The following RBFOX3 variants were observed in gnomAD, a reference collection of about 807,000 sequenced individuals.
The protein encoded by RBFOX3 is RNA binding protein fox-1 homolog 3.
Under a neutral mutation model 48.7 loss-of-function variants are expected in RBFOX3, and 17 were observed. The ratio of observed to expected loss-of-function variants is 0.35; its 90% CI spans 0.24 to 0.52. The LOEUF (loss-of-function observed/expected upper bound fraction) is 0.52, where lower values mean the gene tolerates loss of function less well. RBFOX3 is among the 20% of genes least tolerant of loss of function. RBFOX3 has a pLI of 0.94. For synonymous variants in RBFOX3, 212 were observed against 209.5 expected (o/e 1.01, Z -0.10); for missense variants, 382 against 497.5 (o/e 0.77, Z 2.21).
At chr17:79,344,522 A>G (rs558933604) in intron 2 of RBFOX3, among the ~76,000 whole-genome samples, 1 of 147,418 alleles carries the variant, frequency 6.8e-6, no homozygotes, top group South Asian at 2.2e-4. Flanking sequence ...GGATGGATTC[A>G]TGTTGTCACT....
intron 2 of RBFOX3, among the ~76,000 whole-genome samples, chr17:79,370,787 C>T (rs2058433152): frequency 6.6e-6 from 1 of 152,176 alleles, no homozygotes; most frequent in African/African-American, 2.4e-5. Flanking sequence ...CTCATGCATA[C>T]ACCTTGACTT....
At chr17:79,322,762 G>A (rs1348989198) in intron 2 of RBFOX3, among the ~76,000 whole-genome samples, 1 of 152,190 alleles carries the variant, frequency 6.6e-6, no homozygotes, top group Non-Finnish European at 1.5e-5. Flanking sequence ...CCAGAGGGAG[G>A]ATACCAGGCT....
At position 79,104,084 on chromosome 17, in the gene RBFOX3, G is replaced by A. The variant is rs2076940961; in HGVS notation, c.403C>T (p.Arg135Trp). Residue 135 changes from arginine to tryptophan, a missense_variant, in exon 7 of 15, where the codon CGG (arginine) becomes TGG (tryptophan). Around this residue, in one of 3 missense-constraint regions of RBFOX3, gnomAD observed 49 missense variants for 110.7 expected, o/e 0.44. Transcript: ENST00000693108. ...ILDVEIIFNE[R>W]GSKGFGFVTF... ...CGTGCGGCACCCACCTTGGAGCCCC[G>A]CTCGTTAAAAATGATCTCCACGTCT... The A allele has an allele frequency of 1.9e-6, 3 of 1,550,924 alleles. No homozygotes were observed. Among genetic ancestry groups the A allele is most frequent in the Non-Finnish European group, 2.6e-6 (3 of 1,146,836 alleles).
intron 1 of RBFOX3, chr17:79,598,523 G>A (rs941464748): frequency 3.3e-5 from 5 of 152,232 alleles, no homozygotes; most frequent in Non-Finnish European, 7.4e-5. Context: ...CAGCATCTCC[G>A]AAGTGCAATG....
intron 3 of RBFOX3, among the ~76,000 whole-genome samples, chr17:79,268,356 C>T (rs1378967466): frequency 2.0e-5 from 3 of 152,152 alleles, no homozygotes; most frequent in Admixed American, 6.5e-5. Flanking sequence ...CTGGGCATGA[C>T]CGACATTGCC....
At chr17:79,094,297 C>T (rs776871284) in intron 14 of RBFOX3, 154 bp downstream of exon 14, 6 of 532,734 alleles carry the variant, frequency 1.1e-5, no homozygotes, top group African/African-American at 2.0e-5. Context: ...GCCAGCCCTC[C>T]CCTCACCCTA....
At chr17:79,182,364 G>A (rs913540378) in intron 4 of RBFOX3, among the ~76,000 whole-genome samples, 19 of 152,228 alleles carry the variant, frequency 1.2e-4, no homozygotes, top group African/African-American at 4.3e-4. Context: ...TGGGCAGCCA[G>A]GGTGGGTGAG....
chr17:79,143,812 A>G lies in RBFOX3; in HGVS notation c.-33-28064T>C, dbSNP rs183061791. ...CTCCTGCAGGAAGCACTGACTCATG[A>G]AGACCCCCTCCATTTTCAGTCGGTG... On this transcript the variant is annotated intron_variant, in intron 4 of 14. Transcript: ENST00000693108. Among the ~76,000 whole-genome samples the G allele has an allele frequency of 3.4e-4, 52 of 152,268 alleles. 1 individual carries two copies. The highest frequency in any genetic ancestry group is 3.4e-3 in the Middle Eastern group (1 of 294).
chr17:79,095,621 TC>T, intron 12 of RBFOX3, 47 bp from the exon 13 acceptor site: 1 of 1,514,924 alleles, frequency 6.6e-7, no homozygotes, highest in Non-Finnish European at 9.0e-7. Flanking sequence ...TTAGTGGGGC[TC>T]CCCAGGGAAA....
At position 79,356,348 on chromosome 17, in the gene RBFOX3, GTTTTTTTTTTTTTTTTTTTTTTT is replaced by G. The variant is rs58040659; in HGVS notation, c.-174-48547_-174-48525del. 1.9e-3 allele frequency among the ~76,000 whole-genome samples: 92 copies of G among 47,332 alleles called. 4 individuals carry two copies. Among genetic ancestry groups the G allele is most frequent in the African/African-American group, 7.0e-3 (87 of 12,510 alleles). 31.1% of individuals were successfully genotyped at this position (47,332 alleles called of 152,430 possible). A position where few individuals can be genotyped will look rare whatever the true frequency, so the allele number is the denominator to read the frequency against. ...ACTTTTTCACTTTTAAAACAGGGAA[GTTTTTTTTTTTTTTTTTTTTTTT>G]TTTTTTTTTTTTTTTGAGGAGGAGT... is the stretch of plus-strand genomic sequence containing the variant. On this transcript the variant is annotated intron_variant, in intron 2 of 14. Coordinates refer to ENST00000693108, the MANE Select transcript of RBFOX3 (RefSeq NM_001350451.2).
upstream of RBFOX3, among the ~76,000 whole-genome samples, chr17:79,615,538 C>T (rs1407620602): frequency 6.6e-6 from 1 of 152,150 alleles, no homozygotes; most frequent in Non-Finnish European, 1.5e-5. Context: ...AGGGCTGTCA[C>T]TACCAAGATG....
intron 2 of RBFOX3, among the ~76,000 whole-genome samples, chr17:79,431,007 A>T (rs191029016): frequency 2.3e-4 from 35 of 152,340 alleles, no homozygotes; most frequent in African/African-American, 7.0e-4. Context: ...TTGGAAATTC[A>T]TTGATCTCTG....
chr17:79,267,518 C>A (rs1445872073), intron 3 of RBFOX3, among the ~76,000 whole-genome samples: 2 of 152,128 alleles, frequency 1.3e-5, no homozygotes, highest in Non-Finnish European at 2.9e-5. Context: ...AGCCTCCCAA[C>A]TAACTGGGAT....
intron 3 of RBFOX3, among the ~76,000 whole-genome samples, chr17:79,295,546 GC>G (rs1231121191): frequency 6.6e-6 from 1 of 152,216 alleles, no homozygotes; most frequent in African/African-American, 2.4e-5. Context: ...GATGAGCAAT[GC>G]CTGACTCAGG....
rs1257045790 is a variant in RBFOX3 at position 79,473,187 on chromosome 17, T to G, written c.-175+9267A>C. Among the ~76,000 whole-genome samples, 1 of 152,248 alleles carries G rather than the reference T, an allele frequency of 6.6e-6. No individual in the cohort carries two copies. The highest frequency in any genetic ancestry group is 1.5e-5 in the Non-Finnish European group (1 of 68,046). On this transcript the variant is annotated intron_variant, in intron 2 of 14. Transcript: ENST00000693108. This position sits in a 1 kb window ranked among gnomAD's most constrained non-coding sequence, Gnocchi z 4.2. Reference sequence around the variant, plus strand: ...TCTAAATGCTTAATTTCAGCTTCTGTACTCAGTTGCAGGGATCAGGAGCAG... The same window carrying G: ...TCTAAATGCTTAATTTCAGCTTCTGGACTCAGTTGCAGGGATCAGGAGCAG...
intron 4 of RBFOX3, among the ~76,000 whole-genome samples, chr17:79,202,337 G>T (rs937402292): frequency 6.6e-6 from 1 of 152,076 alleles, no homozygotes; most frequent in Non-Finnish European, 1.5e-5. Flanking sequence ...CGGGTACCAC[G>T]CTCACGTATA....
chr17:79,654,902 G>A, the RBFOX3 span, among the ~76,000 whole-genome samples: 12 of 152,198 alleles, frequency 7.9e-5, no homozygotes, highest in South Asian at 2.1e-4. Flanking sequence ...TCCACAAAGC[G>A]AGCCTACCGT....
At chr17:79,387,910 ACG>A (rs1491027137) in intron 2 of RBFOX3, among the ~76,000 whole-genome samples, 1 of 147,228 alleles carries the variant, frequency 6.8e-6, no homozygotes, top group Non-Finnish European at 1.5e-5. Flanking sequence ...GATTGTGTGT[ACG>A]AGTGTGCATA....
At chr17:79,507,411 C>T (rs930457356) in intron 1 of RBFOX3, among the ~76,000 whole-genome samples, 8 of 152,132 alleles carry the variant, frequency 5.3e-5, no homozygotes, top group African/African-American at 1.4e-4. Flanking sequence ...TCCATGGGGG[C>T]GCCACAATGG....
Sources: gnomAD v4.1 joint callset for allele counts (sites outside exome capture counted in the v4.1 genomes callset) on GRCh38, gnomAD v4.1.1 for gene constraint, gnomAD v4.1.1 regional missense constraint, Gnocchi (gnomAD v3.1) non-coding constraint, MANE v1.5 for transcripts, NCBI Gene and HGNC (gene_info 2026-07-23, HGNC 2026-07-21) for gene names.